WWOX: variants seen among roughly 807,000 people sequenced by gnomAD.
The protein encoded by WWOX is WW domain containing oxidoreductase, also known as WW domain-containing oxidoreductase.
Under a neutral mutation model 46.2 loss-of-function variants are expected in WWOX, and 69 were observed. That is an observed-to-expected ratio of 1.49 (90% CI 1.23 to 1.82). The LOEUF (loss-of-function observed/expected upper bound fraction) is 1.82. WWOX is among the 40% of genes most tolerant of loss of function. WWOX has a pLI of 0.00. For missense variants in WWOX, 919 were observed against 542.6 expected (o/e 1.69, Z -6.89); for synonymous variants, 359 against 202.6 (o/e 1.77, Z -6.56).
chr16:78,900,857 AAAAAG>A (rs1321756238), intron 8 of WWOX, among the ~76,000 whole-genome samples: 1 of 152,006 alleles, frequency 6.6e-6, no homozygotes, highest in Non-Finnish European at 1.5e-5. Context: ...GAAAAAAAAA[AAAAAG>A]AAAAAGATAG....
chr16:78,476,619 TAAAAA>T (rs5818142), intron 8 of WWOX, among the ~76,000 whole-genome samples: 1 of 151,052 alleles, frequency 6.6e-6, no homozygotes, highest in Non-Finnish European at 1.5e-5. Context: ...AAATACATAT[TAAAAA>T]AAAAAAGAAC....
At chr16:79,190,247 A>G (rs559899943) in intron 8 of WWOX, among the ~76,000 whole-genome samples, 3 of 151,868 alleles carry the variant, frequency 2.0e-5, no homozygotes, top group South Asian at 4.2e-4. Flanking sequence ...CTGGTCTCGA[A>G]CTCCTGACCT....
chr16:78,641,920 T>C (rs1433766609), intron 8 of WWOX, among the ~76,000 whole-genome samples: 1 of 152,100 alleles, frequency 6.6e-6, no homozygotes, highest in Non-Finnish European at 1.5e-5. Flanking sequence ...GCTTACCAAA[T>C]AGATCTTGAT....
At chr16:78,903,021 T>G (rs2151244288) in intron 8 of WWOX, among the ~76,000 whole-genome samples, 1 of 152,250 alleles carries the variant, frequency 6.6e-6, no homozygotes, top group South Asian at 2.1e-4. Context: ...GAAGAAATAG[T>G]TGGACAAAAT....
intron 8 of WWOX, among the ~76,000 whole-genome samples, chr16:79,199,389 T>C (rs2070061278): frequency 6.6e-6 from 1 of 152,144 alleles, no homozygotes; most frequent in African/African-American, 2.4e-5. Context: ...GGGGATAATG[T>C]GTGCAGAATT....
chr16:78,379,137 G>A (rs2081896734), intron 5 of WWOX, among the ~76,000 whole-genome samples: 1 of 152,158 alleles, frequency 6.6e-6, no homozygotes, highest in South Asian at 2.1e-4. Context: ...ACTATTAAAT[G>A]AAAACAAGCA....
chr16:78,911,830 C>G (rs1298310440), intron 8 of WWOX, among the ~76,000 whole-genome samples: 1 of 152,052 alleles, frequency 6.6e-6, no homozygotes, highest in Admixed American at 6.6e-5. Context: ...CACGCTGATG[C>G]ATTCCAGCCT....
At chr16:79,141,641 G>C (rs1184277660) in intron 8 of WWOX, among the ~76,000 whole-genome samples, 1 of 152,208 alleles carries the variant, frequency 6.6e-6, no homozygotes, top group African/African-American at 2.4e-5. Flanking sequence ...GAAAACACAT[G>C]ACAGTTTCTT....
chr16:79,149,515 G>A (rs964640690), intron 8 of WWOX, among the ~76,000 whole-genome samples: 2 of 152,190 alleles, frequency 1.3e-5, no homozygotes, highest in Non-Finnish European at 2.9e-5. Context: ...CATACTGTTT[G>A]TTGGGTGGGT....
At chr16:79,008,330 C>T (rs1051105700) in intron 8 of WWOX, among the ~76,000 whole-genome samples, 5 of 152,138 alleles carry the variant, frequency 3.3e-5, no homozygotes, top group African/African-American at 7.2e-5. Context: ...AAGGGCCTAG[C>T]GATTAGATCA....
Position 79,031,886 on chromosome 16 carries a change from C to A in WWOX, c.1057-179722C>A, listed in dbSNP as rs1308160693. Among the ~76,000 whole-genome samples the A allele has an allele frequency of 7.2e-5, 4 of 55,180 alleles. No individual in the cohort carries two copies. In the Admixed American group the frequency reaches 7.7e-4, roughly 11 times the overall value. The allele number at this position is 55,180 out of a possible 152,430, so 36.2% of individuals were successfully genotyped here. A position where few individuals can be genotyped will look rare whatever the true frequency, so the allele number is the denominator to read the frequency against. ...TAGATAGATATCTATATACAGATAT[C>A]TGTATACAGATATCTATATATATAG... On this transcript the variant is annotated intron_variant, in intron 8 of 8. Transcript: ENST00000566780.
rs190500209 is a variant in WWOX at position 79,176,257 on chromosome 16, C to G, written c.1057-35351C>G. On this transcript the variant is annotated intron_variant, in intron 8 of 8. Coordinates refer to ENST00000566780, the MANE Select transcript of WWOX (RefSeq NM_016373.4). Reference sequence around the variant, plus strand: ...CCTGGCCAATGGCAGCTACGTTCCACAAAGTGACTCAGGGATCCAGGCTGC... The same window carrying G: ...CCTGGCCAATGGCAGCTACGTTCCAGAAAGTGACTCAGGGATCCAGGCTGC... Among the ~76,000 whole-genome samples, 17 of 152,320 alleles carry G rather than the reference C, an allele frequency of 1.1e-4. No individual in the cohort carries two copies. In the East Asian group the frequency reaches 3.3e-3, roughly 29 times the overall value.
intron 5 of WWOX, among the ~76,000 whole-genome samples, chr16:78,372,922 G>C (rs1026689548): frequency 1.3e-5 from 2 of 152,136 alleles, no homozygotes; most frequent in Admixed American, 1.3e-4. Context: ...TTGAAAAGTA[G>C]CATCATTAAT....
In WWOX at chr16:78,452,867, T is replaced by TTA. The variant is rs142437197; in HGVS notation, c.1056+20128_1056+20129dup. On this transcript the variant is annotated intron_variant, in intron 8 of 8. Coordinates refer to ENST00000566780, the MANE Select transcript of WWOX (RefSeq NM_016373.4). The stretch of plus-strand genomic sequence containing the variant: ...CTGCTATTGTTTTCCAGTGAGCTAT[T>TTA]TATATATATATATACATATTTTTGA... Among the ~76,000 whole-genome samples, 109 of 127,714 alleles carry TTA rather than the reference T, an allele frequency of 8.5e-4. 1 individual carries two copies. The highest frequency in any genetic ancestry group is 3.9e-3 in the Middle Eastern group (1 of 258). 83.8% of individuals were successfully genotyped at this position (127,714 alleles called of 152,430 possible).
Position 78,193,227 on chromosome 16 carries a change from T to G in WWOX, c.516+28938T>G, listed in dbSNP as rs537969124. ...CCAATGTATTCTGCCCACAGGAAAG[T>G]GAGGCAAAGGCAGGGAGGGAATGAT... On this transcript the variant is annotated intron_variant, in intron 5 of 8. Transcript: ENST00000566780. 9.2e-5 allele frequency among the ~76,000 whole-genome samples: 14 copies of G among 152,308 alleles called. No individual in the cohort carries two copies. In the South Asian group the frequency reaches 2.5e-3, roughly 27 times the overall value.
chr16:78,487,853 C>G (rs2084678007), intron 8 of WWOX, among the ~76,000 whole-genome samples: 1 of 152,108 alleles, frequency 6.6e-6, no homozygotes, highest in African/African-American at 2.4e-5. Flanking sequence ...ACCAATCCCC[C>G]AACACTAGGA....
At chr16:78,996,235 C>G (rs748685290) in intron 8 of WWOX, 6 of 984,810 alleles carry the variant, frequency 6.1e-6, no homozygotes, top group African/African-American at 1.8e-5. Flanking sequence ...GAAGAAGTAA[C>G]CTTGAAAAGG....
intron 5 of WWOX, among the ~76,000 whole-genome samples, 163 bp downstream of exon 5, chr16:78,164,452 C>G (rs1224469601): frequency 2.0e-5 from 3 of 152,114 alleles, no homozygotes; most frequent in African/African-American, 7.2e-5. Context: ...AAAGCATGAG[C>G]AAGTCCATTA....
chr16:78,897,249 A>AAAC lies in WWOX; in HGVS notation c.1057-314357_1057-314356insCAA, dbSNP rs2044723028. ...ACAGTGAGACTGTCTTTAAAAAAAA[A>AAAC]AAAAAAAAAAAAAAAAACCAAAAAA... On this transcript the variant is annotated intron_variant, in intron 8 of 8. Coordinates refer to ENST00000566780, the MANE Select transcript of WWOX (RefSeq NM_016373.4). 3 of 149,256 alleles carry AAAC rather than the reference A, an allele frequency of 2.0e-5. No homozygotes were observed. The South Asian group carries it at 6.4e-4, about 32-fold the overall frequency. 9.2% of individuals were successfully genotyped at this position (149,256 alleles called of 1,614,324 possible). A position where few individuals can be genotyped will look rare whatever the true frequency, so the allele number is the denominator to read the frequency against.
Sources: gnomAD v4.1 joint callset for allele counts (sites outside exome capture counted in the v4.1 genomes callset) on GRCh38, gnomAD v4.1.1 for gene constraint, MANE v1.5 for transcripts, NCBI Gene and HGNC (gene_info 2026-07-23, HGNC 2026-07-21) for gene names.